Variants in RELN observed in about 807,000 individuals in gnomAD.
RELN encodes the protein reelin.
RELN carries 108 observed loss-of-function variants against 427.6 expected under a neutral mutation model. The ratio of observed to expected loss-of-function variants is 0.25; its 90% CI spans 0.22 to 0.30. RELN has a LOEUF of 0.30. RELN is among the 10% of genes least tolerant of loss of function. RELN has a pLI of 1.00. For missense variants in RELN, 3,715 were observed against 4,302.8 expected, an observed-to-expected ratio of 0.86 and a Z score of 3.82; for synonymous variants, 1,524 against 1,513.4, an observed-to-expected ratio of 1.01 and a Z score of -0.16.
intron 1 of RELN, among the ~76,000 whole-genome samples, chr7:103,962,972 G>A (rs539989355): frequency 5.3e-5 from 8 of 152,160 alleles, no homozygotes; most frequent in Admixed American, 5.2e-4. Context: ...AGACACTGGG[G>A]AAAGGTTGAG....
intron 15 of RELN, among the ~76,000 whole-genome samples, chr7:103,651,011 C>T (rs1017839586): frequency 6.6e-6 from 1 of 152,058 alleles, no homozygotes; most frequent in South Asian, 2.1e-4. Flanking sequence ...TAGATATTAT[C>T]TTATGCTAGG....
At chr7:103,690,490 C>T (rs750503955) in intron 10 of RELN, among the ~76,000 whole-genome samples, 1 of 152,130 alleles carries the variant, frequency 6.6e-6, no homozygotes, top group Admixed American at 6.5e-5. Context: ...CTAGTAACTG[C>T]AGATGATGAG....
chr7:103,576,557 C>G (rs362648), intron 28 of RELN, among the ~76,000 whole-genome samples: 71 of 152,294 alleles, frequency 4.7e-4, no homozygotes, highest in Admixed American at 3.9e-3. Flanking sequence ...TTCTATCACA[C>G]TCAGTTTATG....
At chr7:103,946,654 G>A (rs1563105623) in intron 1 of RELN, among the ~76,000 whole-genome samples, 1 of 152,094 alleles carries the variant, frequency 6.6e-6, no homozygotes, top group Non-Finnish European at 1.5e-5. Context: ...ACTTTACTAT[G>A]TCTCTTACAA....
At chr7:103,793,982 G>A (rs184068726) in intron 3 of RELN, among the ~76,000 whole-genome samples, 16 of 152,068 alleles carry the variant, frequency 1.1e-4, no homozygotes, top group Admixed American at 7.2e-4. Flanking sequence ...GGCCAGGCTG[G>A]TCTTGAGCTC....
At chr7:103,881,111 CT>C (rs1563068189) in intron 2 of RELN, among the ~76,000 whole-genome samples, 1 of 152,134 alleles carries the variant, frequency 6.6e-6, no homozygotes, top group African/African-American at 2.4e-5. Context: ...CTACTGCTCT[CT>C]TTTTTCTTTC....
rs182606836 is a variant in RELN, at chr7:103,740,562, G to C, written c.656+8864C>G. ...CTATTCCAACTGTCATAAAAAACTT[G>C]GAAGAGTAACTTATCTGTTACCTTT... is the stretch of plus-strand genomic sequence containing the variant. On this transcript the variant is annotated intron_variant, in intron 6 of 64. Transcript: ENST00000428762. Among the ~76,000 whole-genome samples, 87 of 152,166 alleles carry C rather than the reference G, an allele frequency of 5.7e-4. No individual in the cohort carries two copies. The East Asian group carries it at 6.0e-3, about 10-fold the overall frequency.
At chr7:103,634,577 G>A (rs949274256) in intron 19 of RELN, among the ~76,000 whole-genome samples, 28 of 151,924 alleles carry the variant, frequency 1.8e-4, no homozygotes, top group Non-Finnish European at 2.9e-5. Flanking sequence ...ATATACTAAA[G>A]AAAAATAGAA....
chr7:103,474,524 G>C (rs1192818828), intron 64 of RELN, among the ~76,000 whole-genome samples: 1 of 152,058 alleles, frequency 6.6e-6, no homozygotes, highest in Non-Finnish European at 1.5e-5. Context: ...AAGTTGATCA[G>C]TTTCAGTGTC....
intron 6 of RELN, among the ~76,000 whole-genome samples, chr7:103,746,751 A>G (rs1790844284): frequency 6.6e-6 from 1 of 151,114 alleles, no homozygotes; most frequent in African/African-American, 2.5e-5. Context: ...GATCATTAAA[A>G]AGTCAGGAAA....
intron 10 of RELN, among the ~76,000 whole-genome samples, chr7:103,689,039 T>C (rs1289725088): frequency 1.3e-5 from 2 of 152,144 alleles, no homozygotes; most frequent in Admixed American, 6.6e-5. Flanking sequence ...TTAGTTACTC[T>C]AAATCCTTGA....
chr7:103,477,097 C>T (rs979689696), intron 64 of RELN, among the ~76,000 whole-genome samples: 15 of 152,098 alleles, frequency 9.9e-5, no homozygotes, highest in Non-Finnish European at 1.9e-4. Flanking sequence ...ACAAAGGCTT[C>T]TTGGAAATGA....
intron 11 of RELN, among the ~76,000 whole-genome samples, chr7:103,661,961 A>G (rs1354466642): frequency 2.0e-4 from 30 of 152,210 alleles, no homozygotes; most frequent in Admixed American, 2.0e-3. Flanking sequence ...ATGAAAAGTC[A>G]TAAGAATTGG....
chr7:103,890,847 G>A (rs1208614945), intron 2 of RELN, among the ~76,000 whole-genome samples: 2 of 152,182 alleles, frequency 1.3e-5, no homozygotes, highest in East Asian at 1.9e-4. Context: ...GGAGGCTGAG[G>A]CGGGCAGATA....
intron 2 of RELN, among the ~76,000 whole-genome samples, chr7:103,882,012 G>A (rs1294610226): frequency 2.0e-5 from 3 of 152,078 alleles, no homozygotes; most frequent in Non-Finnish European, 2.9e-5. Context: ...AACAACCAAC[G>A]AATCAACTAA....
rs1402578422 is a variant in RELN at position 103,496,476 on chromosome 7, C to A, written c.9193+50G>T. On this transcript the variant is annotated intron_variant, in intron 56 of 64. Transcript: ENST00000428762. ...GTGCTAATCTATCTGAAGACATAAG[C>A]AGAAAAATGGCTCACAGGAAAGAAA... 17 of 1,613,002 alleles carry A rather than the reference C, an allele frequency of 1.1e-5. No individual in the cohort carries two copies. The African/African-American group carries it at 2.1e-4, about 20-fold the overall frequency.
intron 51 of RELN, among the ~76,000 whole-genome samples, chr7:103,506,908 T>TAA (rs887694314): frequency 1.3e-5 from 2 of 152,148 alleles, no homozygotes; most frequent in African/African-American, 4.8e-5. Context: ...AAACAGACTT[T>TAA]AAACCAACAA....
At chr7:103,739,310 A>G (rs1790578595) in intron 6 of RELN, among the ~76,000 whole-genome samples, 2 of 152,250 alleles carry the variant, frequency 1.3e-5, no homozygotes, top group African/African-American at 4.8e-5. Context: ...AAGTGTTAAT[A>G]AAATACGACG....
intron 2 of RELN, among the ~76,000 whole-genome samples, chr7:103,870,385 CA>C (rs1203971521): frequency 6.6e-6 from 1 of 151,700 alleles, no homozygotes; most frequent in Non-Finnish European, 1.5e-5. Context: ...TTTTGGCAGG[CA>C]GTTCAACTAC....
Sources: allele counts gnomAD v4.1 joint callset (sites outside exome capture counted in the v4.1 genomes callset), GRCh38; gene constraint gnomAD v4.1.1; transcripts MANE v1.5; gene names NCBI Gene and HGNC (gene_info 2026-07-23, HGNC 2026-07-21).